Variants in IMMP2L observed in about 807,000 individuals in gnomAD.
IMMP2L encodes the protein mitochondrial inner membrane protease subunit 2.
IMMP2L carries 18 observed loss-of-function variants against 19.3 expected under a neutral mutation model. The ratio of observed to expected loss-of-function variants is 0.93; its 90% CI spans 0.64 to 1.38. IMMP2L has a LOEUF of 1.38. Ranked by LOEUF, IMMP2L falls within the 40% of genes most tolerant of loss-of-function variation. The probability of loss-of-function intolerance (pLI) is 0.00; values close to 1 mark genes in which losing one functional copy is unlikely to be tolerated. For synonymous variants in IMMP2L, 76 were observed against 73.0 expected (o/e 1.04, Z -0.21); for missense variants, 233 against 218.2 (o/e 1.07, Z -0.43).
intron 3 of IMMP2L, among the ~76,000 whole-genome samples, chr7:111,086,272 A>G (rs942282078): frequency 2.0e-5 from 3 of 149,166 alleles, no homozygotes; most frequent in Non-Finnish European, 3.0e-5. Context: ...AAAAGAAAAA[A>G]AAAAAAGAAA....
At chr7:111,374,808 C>G (rs1443450671) in intron 3 of IMMP2L, among the ~76,000 whole-genome samples, 1 of 152,146 alleles carries the variant, frequency 6.6e-6, no homozygotes, top group African/African-American at 2.4e-5. Flanking sequence ...TGTGTGAAGA[C>G]ACTGGATGCT....
Position 111,213,731 on chromosome 7 carries a change from C to G in IMMP2L, c.240-250166G>C, listed in dbSNP as rs1164517424. Among the ~76,000 whole-genome samples, 1 of 152,084 alleles carries G rather than the reference C, an allele frequency of 6.6e-6. No homozygotes were observed. Among genetic ancestry groups the G allele is most frequent in the African/African-American group, 2.4e-5 (1 of 41,408 alleles). On this transcript the variant is annotated intron_variant, in intron 3 of 5. Coordinates refer to ENST00000405709, the MANE Select transcript of IMMP2L (RefSeq NM_032549.4). This position sits in a 1 kb window ranked among gnomAD's most constrained non-coding sequence, Gnocchi z 4.8. ...AGAGCTAAAGAGATGACAGTATGAC[C>G]AGTTGTGGAGAGGAGCTACCCACAC... is the stretch of plus-strand genomic sequence containing the variant.
At chr7:110,886,903 A>G (rs554665441) in intron 4 of IMMP2L, among the ~76,000 whole-genome samples, 80 of 152,290 alleles carry the variant, frequency 5.3e-4, no homozygotes, top group Non-Finnish European at 7.5e-4. Context: ...TTCTATAGGT[A>G]AGAATTTTGT....
chr7:110,799,305 GA>G (rs1220537364), intron 5 of IMMP2L, among the ~76,000 whole-genome samples: 7 of 151,950 alleles, frequency 4.6e-5, no homozygotes, highest in African/African-American at 1.7e-4. Context: ...ACCAGTTTTT[GA>G]AAGGGTGACT....
At chr7:110,972,295 T>G (rs1272786158) in intron 3 of IMMP2L, among the ~76,000 whole-genome samples, 1 of 152,142 alleles carries the variant, frequency 6.6e-6, no homozygotes, top group Non-Finnish European at 1.5e-5. Flanking sequence ...GTTGCTACAT[T>G]ATCAGAAAGT....
intron 3 of IMMP2L, among the ~76,000 whole-genome samples, chr7:111,266,458 G>A (rs1310424403): frequency 6.7e-6 from 1 of 150,336 alleles, no homozygotes; most frequent in East Asian, 2.0e-4. Context: ...CAGGAGAATC[G>A]CTTGAACCCA....
At chr7:111,557,844 G>A (rs1447936479) in intron 1 of IMMP2L, among the ~76,000 whole-genome samples, 2 of 151,884 alleles carry the variant, frequency 1.3e-5, no homozygotes, top group Non-Finnish European at 2.9e-5. Context: ...AAAAAAGGAG[G>A]GGCGAGGTTA....
intron 5 of IMMP2L, among the ~76,000 whole-genome samples, chr7:110,885,077 T>G (rs1810077245): frequency 6.6e-6 from 1 of 152,008 alleles, no homozygotes; most frequent in Admixed American, 6.6e-5. Flanking sequence ...ATGGATAAAA[T>G]TTTTTCACAA....
At chr7:110,805,650 A>C (rs546982638) in intron 5 of IMMP2L, among the ~76,000 whole-genome samples, 1 of 152,166 alleles carries the variant, frequency 6.6e-6, no homozygotes, top group Non-Finnish European at 1.5e-5. Context: ...TGTCAAGGAA[A>C]AAATATAAAC....
Position 111,427,126 on chromosome 7 carries a change from G to A in IMMP2L, c.239+60112C>T, listed in dbSNP as rs966266358. Among the ~76,000 whole-genome samples the A allele has an allele frequency of 1.3e-3, 191 of 145,328 alleles. 9 individuals are homozygous for A. The highest frequency in any genetic ancestry group is 2.6e-3 in the Non-Finnish European group (165 of 63,672). On this transcript the variant is annotated intron_variant, in intron 3 of 5. Transcript: ENST00000405709. Reference sequence around the variant, plus strand: ...GGTACTCTTTACGGAGTTCGCTAGCGAAGACCTTAGAATTCTTTTATCATT... The same window carrying A: ...GGTACTCTTTACGGAGTTCGCTAGCAAAGACCTTAGAATTCTTTTATCATT...
At chr7:111,405,841 A>G (rs1833859784) in intron 3 of IMMP2L, among the ~76,000 whole-genome samples, 1 of 152,144 alleles carries the variant, frequency 6.6e-6, no homozygotes, top group African/African-American at 2.4e-5. Flanking sequence ...TTTTATAAAT[A>G]AAGTTTTATT....
chr7:111,116,645 G>A (rs1056353537), intron 3 of IMMP2L, among the ~76,000 whole-genome samples: 1 of 152,086 alleles, frequency 6.6e-6, no homozygotes, highest in Non-Finnish European at 1.5e-5. Context: ...AAGATTCAGA[G>A]AGCGATGTGA....
At chr7:111,227,005 T>C (rs939393375) in intron 3 of IMMP2L, among the ~76,000 whole-genome samples, 4 of 152,028 alleles carry the variant, frequency 2.6e-5, no homozygotes, top group African/African-American at 9.7e-5. Context: ...ATATCCCTGA[T>C]GAAATAGGAG....
At chr7:111,439,660 G>C (rs1837525992) in intron 3 of IMMP2L, among the ~76,000 whole-genome samples, 1 of 151,898 alleles carries the variant, frequency 6.6e-6, no homozygotes, top group African/African-American at 2.4e-5. Flanking sequence ...CCTCAATGTT[G>C]ATGGCTGCTG....
chr7:111,127,142 G>C (rs932423206), intron 3 of IMMP2L, among the ~76,000 whole-genome samples: 1 of 152,144 alleles, frequency 6.6e-6, no homozygotes, highest in African/African-American at 2.4e-5. Flanking sequence ...TTTACAACCC[G>C]ATGAATCACT....
intron 3 of IMMP2L, among the ~76,000 whole-genome samples, chr7:111,087,890 A>G (rs1257345528): frequency 1.3e-5 from 2 of 152,302 alleles, no homozygotes; most frequent in Admixed American, 6.5e-5. Context: ...ATATTTCAGC[A>G]CTTTTCTAAA....
chr7:110,918,455 T>C (rs1397476516), intron 4 of IMMP2L, among the ~76,000 whole-genome samples: 1 of 149,102 alleles, frequency 6.7e-6, no homozygotes, highest in Non-Finnish European at 1.5e-5. Flanking sequence ...TTTTTTTCTT[T>C]TTTTTTTTTT....
chr7:111,089,042 A>G (rs1796588918), intron 3 of IMMP2L, among the ~76,000 whole-genome samples: 1 of 152,214 alleles, frequency 6.6e-6, no homozygotes, highest in Non-Finnish European at 1.5e-5. Context: ...TACCTACATT[A>G]AAAGGACAAT....
chr7:110,922,990 C>T (rs1339791107), intron 4 of IMMP2L, among the ~76,000 whole-genome samples: 3 of 152,104 alleles, frequency 2.0e-5, no homozygotes, highest in Non-Finnish European at 2.9e-5. Context: ...TTCACCATTA[C>T]GAATTTCTAC....
Sources: allele counts gnomAD v4.1 joint callset (sites outside exome capture counted in the v4.1 genomes callset), GRCh38; gene constraint gnomAD v4.1.1; non-coding constraint Gnocchi (gnomAD v3.1); transcripts MANE v1.5; gene names NCBI Gene and HGNC (gene_info 2026-07-23, HGNC 2026-07-21).